The following SPTAN1 variants were observed in gnomAD, a reference collection of about 807,000 sequenced individuals.
The protein encoded by SPTAN1 is spectrin alpha chain, non-erythrocytic 1.
Under a neutral mutation model 331.3 loss-of-function variants are expected in SPTAN1, and 61 were observed. The ratio of observed to expected loss-of-function variants is 0.18; its 90% CI spans 0.15 to 0.23. The LOEUF (loss-of-function observed/expected upper bound fraction) is 0.23, where lower values mean the gene tolerates loss of function less well. Ranked by LOEUF, SPTAN1 falls within the 10% of genes least tolerant of loss-of-function variation. The pLI is 1.00. For missense variants in SPTAN1, 2,043 were observed against 3,147.9 expected (o/e 0.65, Z 8.40); for synonymous variants, 1,153 against 1,173.9 (o/e 0.98, Z 0.36).
intron 41 of SPTAN1, among the ~76,000 whole-genome samples, chr9:128,616,540 G>A (rs1383446998): frequency 6.6e-6 from 1 of 151,160 alleles, no homozygotes; most frequent in African/African-American, 2.4e-5. Flanking sequence ...GCTGAGGCGG[G>A]CAGATCACTT....
chr9:128,587,676 G>T lies in SPTAN1; in HGVS notation c.2849G>T (p.Arg950Leu). ...TACGGCAGCAGCATCCAGGCTTTGC[G>T]AGAACAAGCACAGTCCTGCCGGGTA... Reference protein sequence around the residue: ...SAYGSSIQALREQAQSCRQQV... With the variant: ...SAYGSSIQALLEQAQSCRQQV... The change falls in exon 20 of 57, where the codon CGA (arginine) becomes CTA (leucine). Residue 950 changes from arginine to leucine, a missense_variant. Around this residue, in one of 12 missense-constraint regions of SPTAN1, gnomAD observed 1,038 missense variants for 1,531.5 expected, o/e 0.68. Transcript: ENST00000372739. The T allele has an allele frequency of 1.2e-6, 2 of 1,614,058 alleles. No individual in the cohort carries two copies. The highest frequency in any genetic ancestry group is 1.7e-4 in the Middle Eastern group (1 of 6,046).
intron 31 of SPTAN1, among the ~76,000 whole-genome samples, chr9:128,607,015 C>G (rs751032951): frequency 1.7e-4 from 26 of 152,158 alleles, no homozygotes; most frequent in Non-Finnish European, 3.5e-4. Context: ...ATGGATTTGC[C>G]TCTTCTGGAC....
intron 29 of SPTAN1, 76 bp downstream of exon 29, chr9:128,604,493 A>G (rs772942960): frequency 1.7e-5 from 24 of 1,440,956 alleles, no homozygotes; most frequent in Non-Finnish European, 2.2e-5. Flanking sequence ...AAGCTTGCTG[A>G]CTGAGATCCT....
intron 3 of SPTAN1, among the ~76,000 whole-genome samples, chr9:128,573,550 A>T (rs577861477): frequency 9.2e-5 from 14 of 152,034 alleles, no homozygotes; most frequent in Non-Finnish European, 1.3e-4. Flanking sequence ...TCCACCTCCC[A>T]GGTTCAAGCA....
At chr9:128,615,213 G>A (rs768302291) in intron 40 of SPTAN1, among the ~76,000 whole-genome samples, 1 of 152,172 alleles carries the variant, frequency 6.6e-6, no homozygotes, top group Non-Finnish European at 1.5e-5. Context: ...AATGAGCATA[G>A]TTTGTTCGGT....
At chr9:128,593,176 C>T in intron 23 of SPTAN1, 134 bp downstream of exon 23, 1 of 968,814 alleles carries the variant, frequency 1.0e-6, no homozygotes, top group Non-Finnish European at 1.6e-6. Flanking sequence ...GTCCGTGCAG[C>T]AGCTTTGGCT....
In SPTAN1 at chr9:128,584,709, G is replaced by A. The variant is rs1852360628; in HGVS notation, c.2438-12G>A. On this transcript the variant is annotated splice_polypyrimidine_tract_variant and intron_variant, in intron 17 of 56. Coordinates refer to ENST00000372739, the MANE Select transcript of SPTAN1 (RefSeq NM_001130438.3). ...CATGGTTGGATAACTGGGGACTGGT[G>A]TCTGCTTTCAGGTAAGGATTTAATT... is the stretch of plus-strand genomic sequence containing the variant. The A allele has an allele frequency of 6.2e-7, 1 of 1,614,202 alleles. No homozygotes were observed. Among genetic ancestry groups the A allele is most frequent in the Non-Finnish European group, 8.5e-7 (1 of 1,180,048 alleles).
At chr9:128,616,394 T>C (rs1857172300) in intron 41 of SPTAN1, among the ~76,000 whole-genome samples, 1 of 151,174 alleles carries the variant, frequency 6.6e-6, no homozygotes, top group African/African-American at 2.4e-5. Context: ...CAAAGTGCTG[T>C]GATCACAGGC....
At chr9:128,602,710 A>G (rs1200604091) in intron 27 of SPTAN1, among the ~76,000 whole-genome samples, 1 of 152,010 alleles carries the variant, frequency 6.6e-6, no homozygotes, top group Non-Finnish European at 1.5e-5. Flanking sequence ...ATCTCAGCTC[A>G]CTGCAACCTC....
chr9:128,594,621 A>T (rs1448603391), intron 24 of SPTAN1, among the ~76,000 whole-genome samples: 1 of 151,428 alleles, frequency 6.6e-6, no homozygotes, highest in East Asian at 1.9e-4. Flanking sequence ...TGGTAGAGAC[A>T]GGTTTTCACC....
In SPTAN1 at chr9:128,632,654, A is replaced by G. The variant is rs762436806; in HGVS notation, c.7096A>G (p.Met2366Val). The change falls in exon 55 of 57, where the codon ATG becomes GTG. Residue 2366 changes from methionine to valine, a missense_variant. Around this residue, in one of 12 missense-constraint regions of SPTAN1, gnomAD observed 58 missense variants for 74.0 expected, o/e 0.78. Transcript: ENST00000372739. ...CLRSLGYDLPMVEEGEPDPEF... is the reference protein window; with the variant it reads ...CLRSLGYDLPVVEEGEPDPEF... ...GCGCTCCCTGGGCTATGACCTGCCC[A>G]TGGTGGAGGAAGGGGAACCTGACCC... The G allele has an allele frequency of 6.2e-7, 1 of 1,614,066 alleles. No homozygotes were observed. Among genetic ancestry groups the G allele is most frequent in the Non-Finnish European group, 8.5e-7 (1 of 1,180,038 alleles).
intron 44 of SPTAN1, among the ~76,000 whole-genome samples, chr9:128,620,805 G>T (rs1375366525): frequency 6.6e-6 from 1 of 152,096 alleles, no homozygotes; most frequent in East Asian, 1.9e-4. Context: ...TTTTGTTTGG[G>T]TGTATATCTT....
intron 51 of SPTAN1, chr9:128,628,369 G>A (rs2184932): frequency 0.78 from 287,927 of 367,272 alleles, 118,945 homozygotes; most frequent in Non-Finnish European, 0.9. Flanking sequence ...GGCTCAGGCA[G>A]GGTACAGTAA....
At position 128,576,947 on chromosome 9, in the gene SPTAN1, G is replaced by T; in HGVS notation, c.776G>T (p.Arg259Leu). ...CTCTTTGGGGCAGCAGAAGTTCAGC[G>T]CTTTAACAGGTGTCAAGCCAGAGTG... ...GKLFGAAEVQ[R>L]FNRDVDETIS... Residue 259 changes from arginine to leucine, a missense_variant, in exon 6 of 57, where the codon CGC (arginine) becomes CTC (leucine). Around this residue, in one of 12 missense-constraint regions of SPTAN1, gnomAD observed 1,038 missense variants for 1,531.5 expected, o/e 0.68. Transcript: ENST00000372739. 2 of 1,614,140 alleles carry T rather than the reference G, an allele frequency of 1.2e-6. No homozygotes were observed. Among genetic ancestry groups the T allele is most frequent in the Non-Finnish European group, 1.7e-6 (2 of 1,180,034 alleles).
intron 44 of SPTAN1, 127 bp downstream of exon 44, chr9:128,619,130 G>C (rs1564300677): frequency 2.1e-6 from 3 of 1,401,574 alleles, no homozygotes; most frequent in Non-Finnish European, 3.0e-6. Context: ...AGCAGCCAAG[G>C]CCTCAGTAGT....
In SPTAN1 at chr9:128,629,982, C is replaced by A; in HGVS notation, c.6708-339C>A. ...TCAGGGTGTGCCATCCCCCACATGG[C>A]TGCAGAGAGGATGCTCAGACAGGCC... On this transcript the variant is annotated intron_variant, in intron 51 of 56. Transcript: ENST00000372739. This position sits in a 1 kb window ranked among gnomAD's most constrained non-coding sequence, Gnocchi z 4.9. 2.4e-6 allele frequency: 1 copy of A among 416,496 alleles called. No homozygotes were observed. The highest frequency in any genetic ancestry group is 3.0e-5 in the Admixed American group (1 of 33,850). The allele number at this position is 416,496 out of a possible 1,614,324, so 25.8% of individuals were successfully genotyped here.
intron 37 of SPTAN1, chr9:128,611,485 C>CAGTTCATCTACTCCTGAGCT: frequency 1.9e-6 from 1 of 518,296 alleles, no homozygotes; most frequent in South Asian, 2.0e-5. Flanking sequence ...AAAGGACTTC[C>CAGTTCATCTACTCCTGAGCT]AGTTCATCTA....
chr9:128,562,838 G>A (rs963156711), intron 1 of SPTAN1, among the ~76,000 whole-genome samples: 4 of 151,646 alleles, frequency 2.6e-5, no homozygotes, highest in Admixed American at 6.6e-5. Context: ...GATGGCAGGC[G>A]CCTGTGGTCC....
chr9:128,555,356 A>G, intron 1 of SPTAN1: 1 of 1,289,414 alleles, frequency 7.8e-7, no homozygotes, highest in Non-Finnish European at 1.0e-6. Context: ...TAGACTCCAC[A>G]TTCCTCCATC....
Sources: gnomAD v4.1 joint callset for allele counts (sites outside exome capture counted in the v4.1 genomes callset) on GRCh38, gnomAD v4.1.1 for gene constraint, gnomAD v4.1.1 regional missense constraint, Gnocchi (gnomAD v3.1) non-coding constraint, MANE v1.5 for transcripts, NCBI Gene and HGNC (gene_info 2026-07-23, HGNC 2026-07-21) for gene names.